The following C11orf65 variants were observed in gnomAD, a reference collection of about 807,000 sequenced individuals.
C11orf65 encodes chromosome 11 open reading frame 65.
Under a neutral mutation model 35.3 loss-of-function variants are expected in C11orf65, and 38 were observed. The observed-to-expected ratio is 1.08, with a 90% CI of 0.83 to 1.41. C11orf65 has a LOEUF of 1.41. Ranked by LOEUF, C11orf65 falls within the 40% of genes most tolerant of loss-of-function variation. The probability of loss-of-function intolerance (pLI) is 0.00; values close to 1 mark genes in which losing one functional copy is unlikely to be tolerated. For missense variants in C11orf65, 370 were observed against 367.1 expected (o/e 1.01, Z -0.06); for synonymous variants, 105 against 114.4 (o/e 0.92, Z 0.53).
At chr11:108,422,103 T>C (rs1379192367) in intron 3 of C11orf65, among the ~76,000 whole-genome samples, 1 of 152,126 alleles carries the variant, frequency 6.6e-6, no homozygotes, top group African/African-American at 2.4e-5. Context: ...CTAATTTTTG[T>C]ATTTTTAGTA....
At chr11:108,315,694 C>A in intron 6 of C11orf65, 1 of 726,798 alleles carries the variant, frequency 1.4e-6, no homozygotes, top group Non-Finnish European at 2.4e-6. Context: ...AGAATCATTA[C>A]ATTTTATTTC....
chr11:108,433,614 A>C (rs956808396), intron 2 of C11orf65, among the ~76,000 whole-genome samples: 2 of 106,762 alleles, frequency 1.9e-5, no homozygotes, highest in African/African-American at 3.2e-5. Flanking sequence ...CAAAACAAAA[A>C]AAGTACCAAA....
intron 2 of C11orf65, chr11:108,353,645 A>T: frequency 1.3e-6 from 1 of 781,806 alleles, no homozygotes; most frequent in Non-Finnish European, 2.3e-6. Flanking sequence ...TACTGTACAT[A>T]CTAGTGTTCA....
intron 6 of C11orf65, chr11:108,316,106 T>TC: frequency 6.2e-7 from 1 of 1,613,914 alleles, no homozygotes; most frequent in Non-Finnish European, 8.5e-7. Flanking sequence ...CAGGCAGGAA[T>TC]CATTCAGGTA....
intron 1 of C11orf65, among the ~76,000 whole-genome samples, chr11:108,466,343 G>A (rs1565738130): frequency 6.6e-6 from 1 of 152,172 alleles, no homozygotes. Flanking sequence ...GGAGGCCAAG[G>A]TGGGCAGATC....
At chr11:108,351,518 G>A (rs925976812) in intron 2 of C11orf65, among the ~76,000 whole-genome samples, 5 of 152,190 alleles carry the variant, frequency 3.3e-5, no homozygotes, top group African/African-American at 1.2e-4. Flanking sequence ...GATCTCTCAT[G>A]CAGCTGCAGT....
At chr11:108,398,511 T>C (rs2092369631) in intron 6 of C11orf65, among the ~76,000 whole-genome samples, 1 of 152,198 alleles carries the variant, frequency 6.6e-6, no homozygotes, top group South Asian at 2.1e-4. Context: ...GCCCACATAA[T>C]TAGAAATACA....
At chr11:108,316,897 G>A (rs1413209123) in intron 6 of C11orf65, among the ~76,000 whole-genome samples, 1 of 151,854 alleles carries the variant, frequency 6.6e-6, no homozygotes, top group Non-Finnish European at 1.5e-5. Flanking sequence ...CTGCACTCCA[G>A]CCTGGGCAAT....
intron 2 of C11orf65, among the ~76,000 whole-genome samples, chr11:108,451,408 T>C (rs1406211034): frequency 2.6e-5 from 4 of 151,924 alleles, no homozygotes; most frequent in African/African-American, 4.8e-5. Flanking sequence ...CCATTCACAA[T>C]TGCTACAGAG....
chr11:108,395,062 T>A (rs1440125748), intron 6 of C11orf65, among the ~76,000 whole-genome samples: 1 of 151,976 alleles, frequency 6.6e-6, no homozygotes, highest in African/African-American at 2.4e-5. Context: ...GCCCAGAAGT[T>A]CAAGGCTGCG....
At chr11:108,453,345 A>C (rs573276977) in intron 2 of C11orf65, among the ~76,000 whole-genome samples, 1 of 152,174 alleles carries the variant, frequency 6.6e-6, no homozygotes, top group South Asian at 2.1e-4. Flanking sequence ...TACAGGAAGA[A>C]CAGATCAGAT....
At chr11:108,329,522 C>G (rs2086041253), downstream of C11orf65, among the ~76,000 whole-genome samples, 1 of 151,986 alleles carries the variant, frequency 6.6e-6, no homozygotes, top group Non-Finnish European at 1.5e-5. Context: ...TCAATTGATT[C>G]TCCCCCTGAG....
chr11:108,357,094 T>C (rs2090052787), intron 2 of C11orf65, among the ~76,000 whole-genome samples: 1 of 152,194 alleles, frequency 6.6e-6, no homozygotes, highest in Admixed American at 6.5e-5. Flanking sequence ...GCACGCACTG[T>C]GCGCGAACTG....
chr11:108,426,170 A>T (rs1555170358), intron 3 of C11orf65, among the ~76,000 whole-genome samples: 1 of 152,226 alleles, frequency 6.6e-6, no homozygotes, highest in South Asian at 2.1e-4. Flanking sequence ...AGAGAAAAAA[A>T]TAAAGAGTAT....
intron 6 of C11orf65, chr11:108,325,270 A>AT: frequency 5.4e-6 from 3 of 559,382 alleles, no homozygotes; most frequent in South Asian, 3.0e-5. Context: ...TTTTTTTTTC[A>AT]TTTCTCTTGC....
chr11:108,343,641 T>G (rs1057114428), intron 2 of C11orf65, among the ~76,000 whole-genome samples: 1 of 152,160 alleles, frequency 6.6e-6, no homozygotes, highest in South Asian at 2.1e-4. Flanking sequence ...GATAAACTAA[T>G]TCTTAGCAAA....
At chr11:108,317,622 T>C in intron 6 of C11orf65, 1 of 37,146 alleles carries the variant, frequency 2.7e-5, no homozygotes. Context: ...GTTTTATATA[T>C]ATATATATAT....
At chr11:108,462,990 G>C (rs905853918) in intron 1 of C11orf65, among the ~76,000 whole-genome samples, 1 of 152,140 alleles carries the variant, frequency 6.6e-6, no homozygotes, top group African/African-American at 2.4e-5. Context: ...AGCTGGGCAG[G>C]TTGGCACATA....
At chr11:108,327,765 T>A (rs1404350048), downstream of C11orf65, 1 of 1,600,352 alleles carries the variant, frequency 6.2e-7, no homozygotes, top group South Asian at 1.1e-5. Context: ...AAAGGTAAGA[T>A]TTTTGGAGCA....
Sources: gnomAD v4.1 joint callset for allele counts (sites outside exome capture counted in the v4.1 genomes callset) on GRCh38, gnomAD v4.1.1 for gene constraint, MANE v1.5 for transcripts, NCBI Gene and HGNC (gene_info 2026-07-23, HGNC 2026-07-21) for gene names.